Variants in CACNA1E observed in about 807,000 individuals in gnomAD.
CACNA1E encodes the protein voltage-dependent R-type calcium channel subunit alpha-1E.
In CACNA1E, 40 loss-of-function variants were observed where a neutral mutation model predicts 259.2. That is an observed-to-expected ratio of 0.15 (90% CI 0.12 to 0.20). The LOEUF (loss-of-function observed/expected upper bound fraction) is 0.20, where lower values mean the gene tolerates loss of function less well. CACNA1E is among the 10% of genes least tolerant of loss of function. The pLI, the probability that CACNA1E is intolerant of heterozygous loss-of-function variation, is 1.00. For missense variants in CACNA1E, 1,874 were observed against 3,040.1 expected (o/e 0.62, Z 9.02); for synonymous variants, 1,104 against 1,138.5 (o/e 0.97, Z 0.61).
At chr1:181,704,215 G>A (rs1390712193) in intron 7 of CACNA1E, among the ~76,000 whole-genome samples, 1 of 152,110 alleles carries the variant, frequency 6.6e-6, no homozygotes, top group Non-Finnish European at 1.5e-5. Flanking sequence ...ATGACCTTCA[G>A]GAAGGTGTTT....
intron 46 of CACNA1E, among the ~76,000 whole-genome samples, chr1:181,796,466 C>A (rs1201727495): frequency 6.6e-6 from 1 of 152,152 alleles, no homozygotes; most frequent in Non-Finnish European, 1.5e-5. Flanking sequence ...ATGGAGGCCC[C>A]ACCCTCATGC....
chr1:181,659,945 A>G (rs984869270), intron 7 of CACNA1E, among the ~76,000 whole-genome samples: 3 of 152,212 alleles, frequency 2.0e-5, no homozygotes, highest in African/African-American at 7.2e-5. Context: ...ACCCAGAGAT[A>G]TGCCGCCAGT....
At chr1:181,399,163 A>G (rs574976227) in intron 1 of CACNA1E, among the ~76,000 whole-genome samples, 185 of 151,462 alleles carry the variant, frequency 1.2e-3, no homozygotes, top group Non-Finnish European at 2.2e-3. Flanking sequence ...AACCTGAGTA[A>G]TGGCTTGCAG....
chr1:181,590,410 A>ATATATAT (rs1489019194), intron 6 of CACNA1E, among the ~76,000 whole-genome samples: 25 of 119,188 alleles, frequency 2.1e-4, no homozygotes, highest in Admixed American at 6.3e-4. Context: ...ACAAAAAAAA[A>ATATATAT]AAAAAAATAT....
intron 1 of CACNA1E, among the ~76,000 whole-genome samples, chr1:181,402,324 G>A (rs1303040611): frequency 3.3e-5 from 5 of 152,180 alleles, no homozygotes; most frequent in Non-Finnish European, 7.3e-5. Context: ...GGGGGACAGA[G>A]GTATAAGTGG....
intron 1 of CACNA1E, among the ~76,000 whole-genome samples, chr1:181,367,496 T>G (rs1380352423): frequency 6.6e-6 from 1 of 150,674 alleles, no homozygotes; most frequent in Non-Finnish European, 1.5e-5. Context: ...TTAATAAAAA[T>G]AAAGCTTGAA....
chr1:181,559,630 C>T lies in CACNA1E; in HGVS notation c.513-18136C>T, dbSNP rs146198200. Among the ~76,000 whole-genome samples, 287 of 152,248 alleles carry T rather than the reference C, an allele frequency of 1.9e-3. 1 individual carries two copies. The highest frequency in any genetic ancestry group is 6.5e-3 in the African/African-American group (272 of 41,540). On this transcript the variant is annotated intron_variant, in intron 3 of 47. Transcript: ENST00000367573. ...ATTATAAAGTGCTGCAATACAATAC[C>T]GACAAGTACATCTTGAATTTGGAGA...
At position 181,711,568 on chromosome 1, in the gene CACNA1E, T is replaced by C. The variant is rs183943024; in HGVS notation, c.1171+499T>C. On this transcript the variant is annotated intron_variant, in intron 8 of 47. Coordinates refer to ENST00000367573, the MANE Select transcript of CACNA1E (RefSeq NM_001205293.3). ...AATAAATGAGTAACTTATAAGACAA[T>C]GATAAGGTGGTAAATATGATGGGAA... Among the ~76,000 whole-genome samples the C allele has an allele frequency of 1.1e-4, 16 of 152,210 alleles. 1 individual carries two copies. The East Asian group carries it at 3.1e-3, about 29-fold the overall frequency.
chr1:181,458,117 A>G (rs1358737052), intron 2 of CACNA1E, among the ~76,000 whole-genome samples: 1 of 152,214 alleles, frequency 6.6e-6, no homozygotes, highest in Non-Finnish European at 1.5e-5. Flanking sequence ...CTGTTCTTCA[A>G]ACTGCTCTTT....
At chr1:181,432,482 C>CAAACAAACAA (rs1275580417) in intron 2 of CACNA1E, among the ~76,000 whole-genome samples, 5 of 151,934 alleles carry the variant, frequency 3.3e-5, no homozygotes, top group African/African-American at 1.2e-4. Context: ...AAAATGTTTT[C>CAAACAAACAA]ACAAAGACAG....
chr1:181,467,645 G>C (rs528357519), intron 2 of CACNA1E, among the ~76,000 whole-genome samples: 1 of 152,206 alleles, frequency 6.6e-6, no homozygotes, highest in African/African-American at 2.4e-5. Flanking sequence ...TAGAGGTGCA[G>C]CTCTGAGTTC....
At chr1:181,775,998 C>G (rs1432668532) in intron 37 of CACNA1E, 103 bp from the exon 38 acceptor site, 2 of 1,065,300 alleles carry the variant, frequency 1.9e-6, no homozygotes, top group Admixed American at 4.3e-5. Context: ...TGTTCTGGCT[C>G]GTTTGCTAAA....
chr1:181,340,487 G>T (rs899050191), intron 1 of CACNA1E, among the ~76,000 whole-genome samples: 2 of 151,806 alleles, frequency 1.3e-5, no homozygotes, highest in African/African-American at 4.8e-5. Flanking sequence ...AAATTTATTG[G>T]TAATTTTTTT....
intron 2 of CACNA1E, among the ~76,000 whole-genome samples, chr1:181,417,338 CTAA>C (rs1462322399): frequency 6.6e-6 from 1 of 152,180 alleles, no homozygotes; most frequent in Non-Finnish European, 1.5e-5. Context: ...CTACCAACTT[CTAA>C]GATAGAATGA....
intron 3 of CACNA1E, among the ~76,000 whole-genome samples, chr1:181,575,918 A>G (rs1650925930): frequency 6.6e-6 from 1 of 151,202 alleles, no homozygotes; most frequent in African/African-American, 2.4e-5. Context: ...CTCTTTTTCT[A>G]TTTCTGTCAT....
chr1:181,718,273 T>G, intron 12 of CACNA1E, 106 bp downstream of exon 12: 1 of 622,148 alleles, frequency 1.6e-6, no homozygotes, highest in East Asian at 2.7e-5. Context: ...AATCAGAATA[T>G]GTAAAAGCGG....
intron 7 of CACNA1E, among the ~76,000 whole-genome samples, chr1:181,679,465 G>A (rs1413287544): frequency 6.6e-6 from 1 of 152,192 alleles, no homozygotes; most frequent in Non-Finnish European, 1.5e-5. Context: ...GGCAAACTCG[G>A]GCCAGAGCTC....
intron 1 of CACNA1E, among the ~76,000 whole-genome samples, chr1:181,507,542 GGA>G (rs1665811635): frequency 6.6e-6 from 1 of 152,164 alleles, no homozygotes; most frequent in African/African-American, 2.4e-5. Flanking sequence ...TATTGTGAGT[GGA>G]GAGTCAGGGG....
At chr1:181,350,526 T>C (rs1557933990) in intron 1 of CACNA1E, among the ~76,000 whole-genome samples, 5 of 152,146 alleles carry the variant, frequency 3.3e-5, no homozygotes, top group Non-Finnish European at 7.4e-5. Context: ...CAATGGAACC[T>C]CACAAGGACT....
Sources: allele counts gnomAD v4.1 joint callset (sites outside exome capture counted in the v4.1 genomes callset), GRCh38; gene constraint gnomAD v4.1.1; transcripts MANE v1.5; gene names NCBI Gene and HGNC (gene_info 2026-07-23, HGNC 2026-07-21).